USP34: variants seen among roughly 807,000 people sequenced by gnomAD.
USP34 encodes the protein ubiquitin carboxyl-terminal hydrolase 34.
A neutral mutation model predicts 460.3 loss-of-function variants in USP34; 70 were observed. The observed-to-expected ratio is 0.15, with a 90% CI of 0.13 to 0.19. USP34 has a LOEUF of 0.19. USP34 is among the 10% of genes least tolerant of loss of function. The probability of loss-of-function intolerance (pLI) is 1.00; values close to 1 mark genes in which losing one functional copy is unlikely to be tolerated. For missense variants in USP34, 3,985 were observed against 4,236.2 expected (o/e 0.94, Z 1.65); for synonymous variants, 1,647 against 1,405.3 (o/e 1.17, Z -3.85).
At chr2:61,468,319 G>C (rs1004225706) in intron 1 of USP34, among the ~76,000 whole-genome samples, 1 of 152,190 alleles carries the variant, frequency 6.6e-6, no homozygotes, top group Non-Finnish European at 1.5e-5. Context: ...CAGTAGCTGG[G>C]ATTACAAGCA....
chr2:61,272,540 A>G (rs1165571438), intron 41 of USP34, among the ~76,000 whole-genome samples: 1 of 151,998 alleles, frequency 6.6e-6, no homozygotes, highest in Non-Finnish European at 1.5e-5. Flanking sequence ...ACTTTTCACC[A>G]TTGTCCCTCT....
At chr2:61,261,771 C>T (rs1401173945) in intron 43 of USP34, among the ~76,000 whole-genome samples, 1 of 151,906 alleles carries the variant, frequency 6.6e-6, no homozygotes. Context: ...ATAAAGTGCC[C>T]ACTTGACTAG....
intron 3 of USP34, among the ~76,000 whole-genome samples, chr2:61,401,538 C>CTT (rs1206487933): frequency 8.4e-6 from 1 of 118,660 alleles, no homozygotes; most frequent in Non-Finnish European, 1.8e-5. Context: ...GTACCTGGCC[C>CTT]TATTTTTTTT....
At chr2:61,215,150 A>G (rs1687361794) in intron 67 of USP34, among the ~76,000 whole-genome samples, 1 of 152,216 alleles carries the variant, frequency 6.6e-6, no homozygotes, top group South Asian at 2.1e-4. Context: ...TAACATACAG[A>G]TATGGTAAAA....
intron 1 of USP34, among the ~76,000 whole-genome samples, chr2:61,452,749 G>C (rs546507291): frequency 6.6e-6 from 1 of 151,366 alleles, no homozygotes; most frequent in South Asian, 2.1e-4. Context: ...TTAAGAATTA[G>C]CTGGGCTTGC....
intron 8 of USP34, among the ~76,000 whole-genome samples, chr2:61,377,586 C>T (rs537671586): frequency 1.3e-5 from 2 of 152,188 alleles, no homozygotes; most frequent in East Asian, 3.9e-4. Flanking sequence ...CTACCTCTTT[C>T]CACCATGCGA....
intron 69 of USP34, among the ~76,000 whole-genome samples, 174 bp from the exon 70 acceptor site, chr2:61,209,151 TAAACTC>T (rs1268023974): frequency 6.6e-6 from 1 of 152,176 alleles, no homozygotes; most frequent in African/African-American, 2.4e-5. Context: ...TAATATTAAA[TAAACTC>T]TAACTAAAAA....
intron 1 of USP34, among the ~76,000 whole-genome samples, chr2:61,453,264 A>T (rs1476816784): frequency 6.6e-6 from 1 of 151,928 alleles, no homozygotes; most frequent in Non-Finnish European, 1.5e-5. Flanking sequence ...TACCAAAAAC[A>T]TTAGCCAAGT....
chr2:61,389,656 G>A (rs185957944), intron 5 of USP34, among the ~76,000 whole-genome samples: 44 of 152,172 alleles, frequency 2.9e-4, no homozygotes, highest in Non-Finnish European at 2.9e-5. Flanking sequence ...ATAAAAATCA[G>A]CATTCTTTAA....
At chr2:61,341,546 G>T (rs1691600157) in intron 16 of USP34, among the ~76,000 whole-genome samples, 1 of 151,916 alleles carries the variant, frequency 6.6e-6, no homozygotes, top group Admixed American at 6.6e-5. Flanking sequence ...ATAAGATCTG[G>T]TTGTTTAGAA....
chr2:61,281,877 G>A (rs1455410888), intron 37 of USP34, among the ~76,000 whole-genome samples: 2 of 152,170 alleles, frequency 1.3e-5, no homozygotes, highest in South Asian at 4.1e-4. Flanking sequence ...CAACACAGAA[G>A]CAACTTCAAT....
At chr2:61,281,655 T>C (rs1410660900) in intron 37 of USP34, among the ~76,000 whole-genome samples, 2 of 152,192 alleles carry the variant, frequency 1.3e-5, no homozygotes, top group Admixed American at 6.5e-5. Flanking sequence ...CATATATATA[T>C]GTAAATTACA....
intron 48 of USP34, among the ~76,000 whole-genome samples, chr2:61,249,606 G>T (rs996180218): frequency 1.3e-5 from 2 of 152,120 alleles, no homozygotes; most frequent in African/African-American, 4.8e-5. Flanking sequence ...CTGAGCACTA[G>T]GCAGCAGCAC....
intron 19 of USP34, among the ~76,000 whole-genome samples, chr2:61,332,992 T>G (rs1049268290): frequency 3.3e-5 from 5 of 152,050 alleles, no homozygotes; most frequent in Non-Finnish European, 1.5e-5. Flanking sequence ...TCTTACCACC[T>G]AAGCTTAGAA....
At chr2:61,314,854 A>G in intron 24 of USP34, 21 bp downstream of exon 24, 1 of 1,601,084 alleles carries the variant, frequency 6.2e-7, no homozygotes, top group Non-Finnish European at 8.5e-7. Flanking sequence ...TACCTATCAG[A>G]CAATGTTTCA....
rs994020614 is a variant in USP34 at position 61,441,141 on chromosome 2, A to AT, written c.44-20309dup. Among the ~76,000 whole-genome samples the AT allele has an allele frequency of 3.3e-3, 467 of 140,544 alleles. 2 individuals carry two copies. Among genetic ancestry groups the AT allele is most frequent in the African/African-American group, 4.3e-3 (166 of 38,422 alleles). 92.2% of individuals were successfully genotyped at this position (140,544 alleles called of 152,430 possible). On this transcript the variant is annotated intron_variant, in intron 1 of 79. Transcript: ENST00000398571. ...AGAGCCGCCTCAAAAAAAAAAAAAA[A>AT]TTTTTTTTTTTTTTTGGACTCAGAG...
chr2:61,387,000 T>C (rs923435768), intron 5 of USP34, among the ~76,000 whole-genome samples: 1 of 152,060 alleles, frequency 6.6e-6, no homozygotes, highest in African/African-American at 2.4e-5. Flanking sequence ...AAAACACTTC[T>C]ACCTAAAAAG....
chr2:61,320,561 G>A (rs1242633473), intron 21 of USP34, among the ~76,000 whole-genome samples: 1 of 152,110 alleles, frequency 6.6e-6, no homozygotes, highest in Non-Finnish European at 1.5e-5. Context: ...TTATATAAAA[G>A]TGTATAAAAT....
intron 15 of USP34, chr2:61,346,461 G>C (rs1316106862): frequency 7.1e-6 from 1 of 141,148 alleles, no homozygotes; most frequent in African/African-American, 2.6e-5. Context: ...AAGAGTTTGA[G>C]ACTACGGTGA....
Sources: allele counts gnomAD v4.1 joint callset (sites outside exome capture counted in the v4.1 genomes callset), GRCh38; gene constraint gnomAD v4.1.1; transcripts MANE v1.5; gene names NCBI Gene and HGNC (gene_info 2026-07-23, HGNC 2026-07-21).